DDX50: variants seen among roughly 807,000 people sequenced by gnomAD.
The protein encoded by DDX50 is ATP-dependent RNA helicase DDX50.
In DDX50, 56 loss-of-function variants were observed where a neutral mutation model predicts 94.8. That is an observed-to-expected ratio of 0.59 (90% confidence interval 0.48 to 0.74). The LOEUF (loss-of-function observed/expected upper bound fraction) is 0.74. Among genes scored for constraint, DDX50 ranks in the 30% least tolerant of loss-of-function variants. DDX50 has a pLI of 0.00. For missense variants in DDX50, 713 were observed against 881.2 expected, an observed-to-expected ratio of 0.81 and a Z score of 2.42; for synonymous variants, 264 against 295.4, an observed-to-expected ratio of 0.89 and a Z score of 1.09.
chr10:68,927,360 T>A (rs1256415899), intron 8 of DDX50, among the ~76,000 whole-genome samples: 1 of 152,252 alleles, frequency 6.6e-6, no homozygotes. Flanking sequence ...TTTTCTTCTT[T>A]GGCTAACCTT....
chr10:68,931,432 A>ACACACACACAC (rs1261998646), intron 8 of DDX50, among the ~76,000 whole-genome samples: 3,940 of 60,724 alleles, frequency 0.065, 281 homozygotes, highest in African/African-American at 0.098. Flanking sequence ...TATATACACA[A>ACACACACACAC]ACACACACAC....
At chr10:68,909,436 A>G (rs1052166721) in intron 2 of DDX50, among the ~76,000 whole-genome samples, 1 of 152,244 alleles carries the variant, frequency 6.6e-6, no homozygotes, top group Non-Finnish European at 1.5e-5. Context: ...AGCAACCTAA[A>G]TAAGCTTTCA....
At chr10:68,929,297 CTCT>C (rs1564612604) in intron 8 of DDX50, among the ~76,000 whole-genome samples, 38 of 102,660 alleles carry the variant, frequency 3.7e-4, no homozygotes, top group South Asian at 1.9e-3. Flanking sequence ...TCCTTCCTCT[CTCT>C]CTCTCTCTCT....
chr10:68,916,282 A>G (rs1841788202), intron 7 of DDX50, among the ~76,000 whole-genome samples: 1 of 145,390 alleles, frequency 6.9e-6, no homozygotes, highest in Admixed American at 7.2e-5. Context: ...TGAACCCAGG[A>G]GGTGATAGTT....
At chr10:68,941,709 G>A (rs12245848) in intron 13 of DDX50, among the ~76,000 whole-genome samples, 6,154 of 152,006 alleles carry the variant, frequency 0.04, 423 homozygotes, top group African/African-American at 0.14. Context: ...GCACAATCTC[G>A]GCTCACTGCA....
At chr10:68,941,724 A>G (rs112508938) in intron 13 of DDX50, among the ~76,000 whole-genome samples, 9,134 of 151,906 alleles carry the variant, frequency 0.06, 326 homozygotes, top group Middle Eastern at 0.11. Context: ...ACTGCAACCT[A>G]TGCCTCCTGG....
rs1324813446 is a variant in DDX50 at position 68,934,192 on chromosome 10, C to T, written c.1240-7C>T. On this transcript the variant is annotated splice_polypyrimidine_tract_variant and splice_region_variant and intron_variant, in intron 8 of 14. Transcript: ENST00000373585. This position sits in a 1 kb window ranked among gnomAD's most constrained non-coding sequence, Gnocchi z 4.0. The stretch of plus-strand genomic sequence containing the variant: ...TACACTTAATTTTCTCCCCCTTTCT[C>T]AAATAGAATGCCCAGTGTTTACATG... The T allele has an allele frequency of 3.7e-6, 6 of 1,608,400 alleles. No homozygotes were observed. The highest frequency in any genetic ancestry group is 2.7e-5 in the African/African-American group (2 of 74,608).
At chr10:68,943,032 T>TAGA (rs1444057100) in intron 13 of DDX50, among the ~76,000 whole-genome samples, 181 bp from the exon 14 acceptor site, 1 of 152,224 alleles carries the variant, frequency 6.6e-6, no homozygotes, top group Non-Finnish European at 1.5e-5. Context: ...ACACAAACTC[T>TAGA]TCTAGAGAAT....
At chr10:68,916,127 G>A (rs141180029) in intron 7 of DDX50, among the ~76,000 whole-genome samples, 10,550 of 152,088 alleles carry the variant, frequency 0.069, 464 homozygotes, top group Middle Eastern at 0.12. Flanking sequence ...AGGCCGAGGC[G>A]GGTGAATCAC....
chr10:68,905,819 A>G (rs1358416555), intron 1 of DDX50, among the ~76,000 whole-genome samples: 2 of 152,204 alleles, frequency 1.3e-5, no homozygotes, highest in Admixed American at 6.5e-5. Context: ...AGACTGAGGC[A>G]GGAGAATCAC....
chr10:68,921,528 A>G (rs1027956598), intron 8 of DDX50, among the ~76,000 whole-genome samples: 2 of 152,118 alleles, frequency 1.3e-5, no homozygotes, highest in Non-Finnish European at 1.5e-5. Context: ...GAACTACTTC[A>G]TAGGTGGTGT....
intron 10 of DDX50, among the ~76,000 whole-genome samples, 175 bp from the exon 11 acceptor site, chr10:68,935,831 T>A (rs1291832288): frequency 6.6e-6 from 1 of 152,124 alleles, no homozygotes; most frequent in East Asian, 1.9e-4. Flanking sequence ...CAAGACTCTG[T>A]GTCAAAACAA....
intron 12 of DDX50, 43 bp downstream of exon 12, chr10:68,937,138 A>G (rs1842442350): frequency 6.5e-7 from 1 of 1,543,722 alleles, no homozygotes; most frequent in African/African-American, 1.4e-5. Flanking sequence ...GGAAAAGGTT[A>G]AAATTGAACA....
At chr10:68,945,513 G>A (rs1842651643) in intron 14 of DDX50, among the ~76,000 whole-genome samples, 1 of 151,928 alleles carries the variant, frequency 6.6e-6, no homozygotes, top group Non-Finnish European at 1.5e-5. Flanking sequence ...TACCACGTTG[G>A]CCAGGCTGGT....
At chr10:68,927,222 A>C (rs955909205) in intron 8 of DDX50, among the ~76,000 whole-genome samples, 2 of 152,176 alleles carry the variant, frequency 1.3e-5, no homozygotes, top group African/African-American at 4.8e-5. Flanking sequence ...GCAATTGAAA[A>C]ATTCACTATG....
At chr10:68,921,421 A>G (rs1589258365) in intron 8 of DDX50, among the ~76,000 whole-genome samples, 1 of 152,290 alleles carries the variant, frequency 6.6e-6, no homozygotes, top group Non-Finnish European at 1.5e-5. Flanking sequence ...ATTGCCATAA[A>G]TCTAGAGTAT....
chr10:68,909,848 G>C (rs1841573516), intron 2 of DDX50, among the ~76,000 whole-genome samples: 1 of 152,104 alleles, frequency 6.6e-6, no homozygotes, highest in Non-Finnish European at 1.5e-5. Flanking sequence ...TGTTAGTAGA[G>C]ACAGGGTTTC....
chr10:68,913,597 A>G lies in DDX50; in HGVS notation c.943+21A>G, dbSNP rs1192173111. ...AACTGGTATATCCTAATTCAAAATAAGCACATTAGCAATTATTGTTCGATC... is the reference window on the plus strand; with the variant it reads ...AACTGGTATATCCTAATTCAAAATAGGCACATTAGCAATTATTGTTCGATC... On this transcript the variant is annotated intron_variant, in intron 6 of 14. Coordinates refer to ENST00000373585, the MANE Select transcript of DDX50 (RefSeq NM_024045.2). 12 of 1,586,126 alleles carry G rather than the reference A, an allele frequency of 7.6e-6. No individual in the cohort carries two copies. The South Asian group carries it at 1.0e-4, about 14-fold the overall frequency.
chr10:68,938,596 A>G (rs986670564), intron 12 of DDX50, among the ~76,000 whole-genome samples: 60 of 152,202 alleles, frequency 3.9e-4, no homozygotes, highest in African/African-American at 1.4e-3. Flanking sequence ...AGGAGGAAAC[A>G]AAAAGGGCAG....
Sources: gnomAD v4.1 joint callset for allele counts (sites outside exome capture counted in the v4.1 genomes callset) on GRCh38, gnomAD v4.1.1 for gene constraint, Gnocchi (gnomAD v3.1) non-coding constraint, MANE v1.5 for transcripts, NCBI Gene and HGNC (gene_info 2026-07-23, HGNC 2026-07-21) for gene names.